PCDHGB1: variants seen among roughly 807,000 people sequenced by gnomAD.
PCDHGB1 encodes the protein protocadherin gamma-B1.
PCDHGB1 carries 34 observed loss-of-function variants against 56.6 expected under a neutral mutation model. The observed-to-expected ratio is 0.60, with a 90% CI of 0.46 to 0.80. PCDHGB1 has a LOEUF of 0.80. Ranked by LOEUF, PCDHGB1 falls within the 30% of genes least tolerant of loss-of-function variation. The pLI is 0.00. For synonymous variants in PCDHGB1, 561 were observed against 505.9 expected, an observed-to-expected ratio of 1.11 and a Z score of -1.46; for missense variants, 1,278 against 1,204.6, an observed-to-expected ratio of 1.06 and a Z score of -0.90.
intron 1 of PCDHGB1, among the ~76,000 whole-genome samples, chr5:141,359,411 G>T (rs1467965013): frequency 6.6e-6 from 1 of 151,822 alleles, no homozygotes; most frequent in Non-Finnish European, 1.5e-5. Context: ...TTTAAAAAAT[G>T]TGTTTTTGTT....
intron 1 of PCDHGB1, among the ~76,000 whole-genome samples, chr5:141,458,351 T>A (rs903399511): frequency 2.0e-5 from 3 of 152,010 alleles, no homozygotes; most frequent in African/African-American, 7.3e-5. Flanking sequence ...GAGAGTTTAA[T>A]AAGCAAGAAG....
In PCDHGB1 at chr5:141,487,160, G is replaced by A. The variant is rs1188929436; in HGVS notation, c.2410-7647G>A. 5.0e-6 allele frequency: 8 copies of A among 1,613,830 alleles called. No homozygotes were observed. The highest frequency in any genetic ancestry group is 5.1e-6 in the Non-Finnish European group (6 of 1,179,840). ...ACTCTCTACCTCTGTTACTCTCTTA[G>A]TGTCCTTAGAGGAAGACACTCATCC... On this transcript the variant is annotated intron_variant, in intron 1 of 3. Transcript: ENST00000523390. The surrounding 1 kb of genome is among the most constrained non-coding windows in gnomAD (Gnocchi z 5.0).
intron 1 of PCDHGB1, chr5:141,388,609 TCA>T: frequency 6.2e-7 from 1 of 1,613,926 alleles, no homozygotes; most frequent in Non-Finnish European, 8.5e-7. Flanking sequence ...GCTCCAGTGT[TCA>T]GTCAAGACGT....
chr5:141,499,174 C>T (rs930279867), intron 2 of PCDHGB1, among the ~76,000 whole-genome samples: 20 of 152,198 alleles, frequency 1.3e-4, no homozygotes, highest in Middle Eastern at 3.4e-3. Flanking sequence ...AGCTCTGAGC[C>T]CAGCAAACCA....
chr5:141,447,558 G>T (rs551305232), intron 1 of PCDHGB1, among the ~76,000 whole-genome samples: 1 of 152,264 alleles, frequency 6.6e-6, no homozygotes, highest in African/African-American at 2.4e-5. Context: ...GAGTACACTT[G>T]GAGGATTCTA....
At chr5:141,407,240 C>T (rs1011878099) in intron 1 of PCDHGB1, among the ~76,000 whole-genome samples, 3 of 152,158 alleles carry the variant, frequency 2.0e-5, no homozygotes, top group African/African-American at 7.2e-5. Context: ...ATAAAGCATA[C>T]TTCAGGCTCA....
At position 141,490,328 on chromosome 5, in the gene PCDHGB1, C is replaced by T; in HGVS notation, c.2410-4479C>T. 2 of 1,614,228 alleles carry T rather than the reference C, an allele frequency of 1.2e-6. No homozygotes were observed. Among genetic ancestry groups the T allele is most frequent in the Non-Finnish European group, 1.7e-6 (2 of 1,180,048 alleles). Reference sequence around the variant, plus strand: ...TTGGCCAACCCTGTCCTAGAGAGCACACCAGTGGGCACAGTAGTGGGGTTG... The same window carrying T: ...TTGGCCAACCCTGTCCTAGAGAGCATACCAGTGGGCACAGTAGTGGGGTTG... On this transcript the variant is annotated intron_variant, in intron 1 of 3. Coordinates refer to ENST00000523390, the MANE Select transcript of PCDHGB1 (RefSeq NM_018922.3). The surrounding 1 kb of genome is among the most constrained non-coding windows in gnomAD (Gnocchi z 5.4).
chr5:141,450,006 C>CTATTTTTTT (rs70988802), intron 1 of PCDHGB1, among the ~76,000 whole-genome samples: 8 of 132,970 alleles, frequency 6.0e-5, no homozygotes, highest in African/African-American at 8.4e-5. Context: ...TGCCATGTCT[C>CTATTTTTTT]TTTTTTTTTT....
intron 1 of PCDHGB1, chr5:141,426,221 A>G (rs1279749881): frequency 6.3e-6 from 1 of 158,300 alleles, no homozygotes; most frequent in Non-Finnish European, 1.4e-5. Context: ...GGAAGTAAAT[A>G]TTTTAAAAGC....
intron 1 of PCDHGB1, chr5:141,423,815 C>G (rs1002418139): frequency 7.9e-7 from 1 of 1,271,358 alleles, no homozygotes; most frequent in African/African-American, 1.6e-5. Context: ...GTGAGTTTTA[C>G]TTTGCCTTTC....
chr5:141,423,751 G>GT, intron 1 of PCDHGB1: 12 of 349,026 alleles, frequency 3.4e-5, no homozygotes, highest in Non-Finnish European at 4.3e-5. Context: ...AAAACTGTTT[G>GT]GGGGGGGGGT....
At chr5:141,427,883 C>T (rs2097084423) in intron 1 of PCDHGB1, 2 of 1,563,700 alleles carry the variant, frequency 1.3e-6, no homozygotes, top group African/African-American at 1.3e-5. Context: ...TGCAGGCCCA[C>T]GACCAGGGCT....
chr5:141,472,494 C>T (rs561045783), intron 1 of PCDHGB1, among the ~76,000 whole-genome samples: 9 of 151,168 alleles, frequency 6.0e-5, no homozygotes, highest in South Asian at 2.1e-4. Context: ...GAGACGAGAT[C>T]GTGCCACTGC....
chr5:141,511,793 G>A lies in PCDHGB1; in HGVS notation c.*620G>A, dbSNP rs2099883948. The stretch of plus-strand genomic sequence containing the variant: ...TACTGATGCTTGCTGGATTTAGGGA[G>A]GGCATTTTGCTACCAAGCCTCTTCC... On this transcript the variant is annotated 3_prime_UTR_variant, in exon 4 of 4. Coordinates refer to ENST00000523390, the MANE Select transcript of PCDHGB1 (RefSeq NM_018922.3). 6.4e-6 allele frequency: 1 copy of A among 157,066 alleles called. No homozygotes were observed. The highest frequency in any genetic ancestry group is 2.4e-5 in the African/African-American group (1 of 41,492). 9.7% of individuals were successfully genotyped at this position (157,066 alleles called of 1,614,324 possible). A position where few individuals can be genotyped will look rare whatever the true frequency, so the allele number is the denominator to read the frequency against.
At chr5:141,428,142 C>T in intron 1 of PCDHGB1, 1 of 1,594,260 alleles carries the variant, frequency 6.3e-7, no homozygotes, top group Non-Finnish European at 8.6e-7. Flanking sequence ...CCTGGGGCTG[C>T]ACACGGGAAC....
chr5:141,381,826 C>CTTCTT (rs1777532522), intron 1 of PCDHGB1, among the ~76,000 whole-genome samples: 13 of 74,294 alleles, frequency 1.7e-4, no homozygotes, highest in South Asian at 5.2e-4. Context: ...CTTTCTTCTT[C>CTTCTT]TTTTTTTTTT....
intron 1 of PCDHGB1, chr5:141,427,590 C>G (rs768990626): frequency 5.9e-6 from 4 of 678,892 alleles, no homozygotes; most frequent in Non-Finnish European, 1.1e-5. Flanking sequence ...CAGCACAAGC[C>G]TCACCCTACG....
intron 1 of PCDHGB1, chr5:141,422,608 T>A: frequency 5.0e-6 from 8 of 1,613,956 alleles, no homozygotes; most frequent in Non-Finnish European, 5.1e-6. Context: ...TTACTCTGCC[T>A]ACATTCCCGA....
At position 141,491,346 on chromosome 5, in the gene PCDHGB1, T is replaced by A. The variant is rs760843553; in HGVS notation, c.2410-3461T>A. ...TCATTGTGGCTCTAGCGACCGTCAG[T>A]CTCTTATCCCTAGTCACCTTCACCT... On this transcript the variant is annotated intron_variant, in intron 1 of 3. Coordinates refer to ENST00000523390, the MANE Select transcript of PCDHGB1 (RefSeq NM_018922.3). This position sits in a 1 kb window ranked among gnomAD's most constrained non-coding sequence, Gnocchi z 6.9. The A allele has an allele frequency of 6.2e-7, 1 of 1,614,088 alleles. No individual in the cohort carries two copies. The highest frequency in any genetic ancestry group is 1.1e-5 in the South Asian group (1 of 91,080).
Sources: gnomAD v4.1 joint callset for allele counts (sites outside exome capture counted in the v4.1 genomes callset) on GRCh38, gnomAD v4.1.1 for gene constraint, Gnocchi (gnomAD v3.1) non-coding constraint, MANE v1.5 for transcripts, NCBI Gene and HGNC (gene_info 2026-07-23, HGNC 2026-07-21) for gene names.